FNTA: variants seen among roughly 807,000 people sequenced by gnomAD.
The protein encoded by FNTA is farnesyltransferase, CAAX box, subunit alpha.
A neutral mutation model predicts 55.2 loss-of-function variants in FNTA; 27 were observed. The observed-to-expected ratio is 0.49, with a 90% CI of 0.36 to 0.67. The LOEUF is 0.67. FNTA is among the 30% of genes least tolerant of loss of function. The pLI is 0.00. For missense variants in FNTA, 422 were observed against 464.7 expected (o/e 0.91, Z 0.85); for synonymous variants, 176 against 170.7 (o/e 1.03, Z -0.24).
intron 3 of FNTA, 119 bp downstream of exon 3, chr8:43,064,334 G>A (rs568402192): frequency 4.8e-6 from 3 of 623,932 alleles, no homozygotes; most frequent in African/African-American, 3.7e-5. Flanking sequence ...GGAGGGGGGT[G>A]CAGTTTCACT....
intron 2 of FNTA, among the ~76,000 whole-genome samples, chr8:43,060,935 G>A (rs1810516873): frequency 6.6e-6 from 1 of 152,084 alleles, no homozygotes; most frequent in Non-Finnish European, 1.5e-5. Flanking sequence ...TCAAAAAATG[G>A]ACAAAGGGTA....
At position 43,085,582 on chromosome 8, in the gene FNTA, G is replaced by A. The variant is rs536699177; in HGVS notation, c.*300G>A. 22 of 315,922 alleles carry A rather than the reference G, an allele frequency of 7.0e-5. No homozygotes were observed. The highest frequency in any genetic ancestry group is 4.6e-4 in the African/African-American group (21 of 45,272). The allele number at this position is 315,922 out of a possible 1,614,324, so 19.6% of individuals were successfully genotyped here. A position where few individuals can be genotyped will look rare whatever the true frequency, so the allele number is the denominator to read the frequency against. On this transcript the variant is annotated 3_prime_UTR_variant, in exon 9 of 9. Transcript: ENST00000302279. ...CTTAGCATCAGCTCCTCCCTCAGTG[G>A]TACATGCGTCAAGATTTGTAGCAGT... is the stretch of plus-strand genomic sequence containing the variant.
intron 5 of FNTA, 116 bp downstream of exon 5, chr8:43,072,423 A>C (rs1243460449): frequency 4.8e-6 from 3 of 622,398 alleles, no homozygotes; most frequent in African/African-American, 1.9e-5. Context: ...CATTGCACCC[A>C]ATATATAACT....
chr8:43,076,177 G>A (rs983397777), intron 5 of FNTA, among the ~76,000 whole-genome samples: 2 of 151,880 alleles, frequency 1.3e-5, no homozygotes, highest in African/African-American at 2.4e-5. Context: ...CCAAGTAACC[G>A]GGATTACAGG....
At chr8:43,068,488 T>G (rs184031471) in intron 3 of FNTA, among the ~76,000 whole-genome samples, 75 of 152,328 alleles carry the variant, frequency 4.9e-4, no homozygotes, top group African/African-American at 1.5e-3. Context: ...TTTTTGTGGT[T>G]GTTCTAGAAG....
chr8:43,084,570 C>T, intron 7 of FNTA, 140 bp from the exon 8 acceptor site: 1 of 647,144 alleles, frequency 1.5e-6, no homozygotes, highest in South Asian at 2.1e-5. Context: ...TTAAAAGTTT[C>T]ATTATAGTTT....
intron 2 of FNTA, among the ~76,000 whole-genome samples, chr8:43,059,513 T>C (rs1007200791): frequency 2.0e-5 from 3 of 152,220 alleles, no homozygotes; most frequent in Non-Finnish European, 4.4e-5. Flanking sequence ...AGTTACTGTT[T>C]TTAGAATAAA....
chr8:43,066,860 A>G lies in FNTA; in HGVS notation c.401+2645A>G, dbSNP rs995412399. Among the ~76,000 whole-genome samples the G allele has an allele frequency of 1.2e-4, 19 of 152,036 alleles. 1 individual carries two copies. The highest frequency in any genetic ancestry group is 1.2e-3 in the Admixed American group (18 of 15,240). Reference sequence around the variant, plus strand: ...TCAGTATTTAAGTCTTTTCTCTTGGACAGTGTGTCTCTCAAAGAGGATTAA... The same window carrying G: ...TCAGTATTTAAGTCTTTTCTCTTGGGCAGTGTGTCTCTCAAAGAGGATTAA... On this transcript the variant is annotated intron_variant, in intron 3 of 8. Coordinates refer to ENST00000302279, the MANE Select transcript of FNTA (RefSeq NM_002027.3).
intron 3 of FNTA, among the ~76,000 whole-genome samples, chr8:43,066,621 C>A (rs562251717): frequency 8.5e-6 from 1 of 117,594 alleles, no homozygotes; most frequent in Non-Finnish European, 1.9e-5. Context: ...TGTTTAATTT[C>A]ATGGATGTGA....
intron 5 of FNTA, among the ~76,000 whole-genome samples, chr8:43,076,056 T>G (rs1037234181): frequency 2.0e-5 from 3 of 151,798 alleles, no homozygotes; most frequent in African/African-American, 7.3e-5. Context: ...TTGTTTTTAT[T>G]TTTTGGAGAC....
intron 2 of FNTA, among the ~76,000 whole-genome samples, chr8:43,060,904 A>T (rs1490627393): frequency 6.6e-6 from 1 of 152,164 alleles, no homozygotes; most frequent in Non-Finnish European, 1.5e-5. Context: ...TTACAACAGG[A>T]TAAGGAGACA....
chr8:43,073,024 A>AGAATAGTTGTAACTCCCACTCTGGGTATT (rs1810829568), intron 5 of FNTA, among the ~76,000 whole-genome samples: 5 of 152,206 alleles, frequency 3.3e-5, no homozygotes, highest in African/African-American at 1.2e-4. Flanking sequence ...AATTCTGAAT[A>AGAATAGTTGTAACTCCCACTCTGGGTATT]GAATAGTTGT....
chr8:43,062,647 G>C (rs1810561387), intron 2 of FNTA, among the ~76,000 whole-genome samples: 2 of 152,188 alleles, frequency 1.3e-5, no homozygotes, highest in African/African-American at 4.8e-5. Context: ...GTGAAGAGGA[G>C]TAATTGTTCA....
In FNTA at chr8:43,064,111, T is replaced by A; in HGVS notation, c.297T>A (p.Val99=). 6.2e-7 allele frequency: 1 copy of A among 1,610,898 alleles called. No individual in the cohort carries two copies. The highest frequency in any genetic ancestry group is 8.5e-7 in the Non-Finnish European group (1 of 1,177,422). ...QIIYSDKFRD[V]YDYFRAVLQR... is the part of the protein sequence containing the mutation. ...GTGCTCTATCTCTAGTTAGAGATGT[T>A]TATGATTACTTCCGAGCTGTCCTGC... Residue 99 remains valine, a synonymous_variant, in exon 3 of 9, where the codon GTT becomes GTA. Transcript: ENST00000302279.
At chr8:43,063,237 C>T (rs1379638865) in intron 2 of FNTA, 5 of 455,376 alleles carry the variant, frequency 1.1e-5, no homozygotes, top group South Asian at 1.6e-5. Flanking sequence ...TGGATCACCA[C>T]GCCCGATTAA....
chr8:43,082,668 A>C (rs1362178677), intron 6 of FNTA: 1 of 152,536 alleles, frequency 6.6e-6, no homozygotes, highest in Non-Finnish European at 1.5e-5. Context: ...CGTGATTTAA[A>C]TATGACTGAG....
intron 1 of FNTA, among the ~76,000 whole-genome samples, chr8:43,057,705 C>T (rs752921705): frequency 3.3e-5 from 5 of 152,148 alleles, no homozygotes; most frequent in Admixed American, 6.6e-5. Flanking sequence ...CGCCTGTAAT[C>T]CCAGCACTTT....
chr8:43,084,053 CAA>C (rs918207533), intron 7 of FNTA, among the ~76,000 whole-genome samples: 4 of 150,490 alleles, frequency 2.7e-5, no homozygotes, highest in African/African-American at 9.8e-5. Flanking sequence ...GCCTGGGCGA[CAA>C]GAGACCCTGT....
At chr8:43,074,170 A>C (rs543359067) in intron 5 of FNTA, among the ~76,000 whole-genome samples, 1 of 152,310 alleles carries the variant, frequency 6.6e-6, no homozygotes, top group South Asian at 2.1e-4. Flanking sequence ...CACAGATTGG[A>C]TGTATTTTAC....
Sources: gnomAD v4.1 joint callset for allele counts (sites outside exome capture counted in the v4.1 genomes callset) on GRCh38, gnomAD v4.1.1 for gene constraint, MANE v1.5 for transcripts, NCBI Gene and HGNC (gene_info 2026-07-23, HGNC 2026-07-21) for gene names.